WDR45: variants seen among roughly 807,000 people sequenced by gnomAD.
WDR45 encodes WD repeat domain phosphoinositide-interacting protein 4.
In WDR45, 2 loss-of-function variants were observed where a neutral mutation model predicts 27.3. The observed-to-expected ratio is 0.07, with a 90% CI of 0.03 to 0.23. WDR45 has a LOEUF of 0.23. Among genes scored for constraint, WDR45 ranks in the 10% least tolerant of loss-of-function variants. The pLI is 1.00. For missense variants in WDR45, 175 were observed against 311.9 expected (o/e 0.56, Z 3.31); for synonymous variants, 99 against 119.2 (o/e 0.83, Z 1.11).
intron 4 of WDR45, 90 bp from the exon 5 acceptor site, chrX:49,076,840 C>T (rs782674726): frequency 6.7e-5 from 49 of 726,158 alleles, no homozygotes; most frequent in African/African-American, 2.1e-5. Context: ...TTCCCAGGGA[C>T]CTCAACCTAC....
At chrX:49,090,642 A>G (rs1557086478) in intron 2 of WDR45, among the ~76,000 whole-genome samples, 2 of 110,885 alleles carry the variant, frequency 1.8e-5, no homozygotes, top group African/African-American at 6.6e-5. Flanking sequence ...GGTTCAAGCA[A>G]TTCTCCTGCC....
At chrX:49,099,829 G>T (rs782557050) in intron 2 of WDR45, among the ~76,000 whole-genome samples, 2 of 98,427 alleles carry the variant, frequency 2.0e-5, no homozygotes, top group South Asian at 4.2e-4. Context: ...AGTGTTTCTT[G>T]GGACCAGACC....
upstream of WDR45, chrX:49,079,969 C>G (rs1247279916): frequency 8.8e-6 from 1 of 113,404 alleles, no homozygotes; most frequent in African/African-American, 3.2e-5. Context: ...CACCGCCTTC[C>G]TCGCCTAGTT....
chrX:49,075,104 G>C (rs201066140), intron 10 of WDR45, 32 bp downstream of exon 10: 3 of 1,204,758 alleles, frequency 2.5e-6, no homozygotes, highest in East Asian at 5.9e-5. Context: ...GCCCCATGCA[G>C]TACCCCCAAC....
intron 4 of WDR45, chrX:49,077,095 C>T (rs1052547211): frequency 3.6e-5 from 8 of 225,340 alleles, no homozygotes; most frequent in Non-Finnish European, 6.3e-5. Context: ...AGTCCATGCA[C>T]CCTGGAGATT....
At chrX:49,095,408 A>T (rs1389451200) in intron 2 of WDR45, among the ~76,000 whole-genome samples, 1 of 109,067 alleles carries the variant, frequency 9.2e-6, no homozygotes, top group Admixed American at 1.0e-4. Flanking sequence ...TGGGAGGCCA[A>T]GGCGGGCGAG....
At chrX:49,077,582 T>C in intron 4 of WDR45, 61 bp downstream of exon 4, 1 of 1,034,406 alleles carries the variant, frequency 9.7e-7, no homozygotes, top group Non-Finnish European at 1.3e-6. Context: ...TACCTTGGGG[T>C]GCCTGTGGGA....
intron 2 of WDR45, among the ~76,000 whole-genome samples, chrX:49,093,165 T>C (rs1323594616): frequency 2.7e-5 from 3 of 111,731 alleles, no homozygotes; most frequent in Non-Finnish European, 5.6e-5. Context: ...GACCTCGGCC[T>C]CCCAAAGTGC....
intron 2 of WDR45, among the ~76,000 whole-genome samples, chrX:49,090,870 G>A (rs2065102273): frequency 1.0e-5 from 1 of 100,443 alleles, no homozygotes; most frequent in Non-Finnish European, 2.0e-5. Context: ...GTCTCGCTCT[G>A]TCACCCACAC....
chrX:49,076,277 TG>T (rs1185539087), intron 6 of WDR45, 152 bp downstream of exon 6: 36 of 645,367 alleles, frequency 5.6e-5, no homozygotes, highest in Non-Finnish European at 6.9e-5. Context: ...GGCTGAGGGC[TG>T]GAAAGATGGA....
At chrX:49,076,797 G>A in intron 4 of WDR45, 47 bp from the exon 5 acceptor site, 3 of 1,064,175 alleles carry the variant, frequency 2.8e-6, no homozygotes, top group Non-Finnish European at 3.9e-6. Flanking sequence ...TTAGGGTAAG[G>A]GGCAGCCCTG....
chrX:49,094,221 C>G (rs2147828220), intron 2 of WDR45, among the ~76,000 whole-genome samples: 1 of 111,215 alleles, frequency 9.0e-6, no homozygotes, highest in East Asian at 2.8e-4. Flanking sequence ...GTAATCCCAG[C>G]ACTATGGGAG....
chrX:49,080,897 T>A (rs1238904953), upstream of WDR45, among the ~76,000 whole-genome samples: 1 of 97,619 alleles, frequency 1.0e-5, no homozygotes, highest in African/African-American at 3.7e-5. Flanking sequence ...AATTTTTTTT[T>A]TTTTTTTTTT....
Position 49,074,865 on chromosome X carries a change from C to G in WDR45, c.1021G>C (p.Gly341Arg), listed in dbSNP as rs1557083823. 3 of 1,211,750 alleles carry G rather than the reference C, an allele frequency of 2.5e-6. No individual in the cohort carries two copies. Among genetic ancestry groups the G allele is most frequent in the Non-Finnish European group, 3.4e-6 (3 of 895,384 alleles). The change falls in exon 11 of 11, where the codon GGA becomes CGA. Residue 341 changes from glycine to arginine, a missense_variant. This residue lies in a region of WDR45 where 71 missense variants were observed against 123.0 expected (regional missense o/e 0.58). Coordinates refer to ENST00000376372, the MANE Select transcript of WDR45 (RefSeq NM_001029896.2). The part of the protein sequence containing the change: ...TFHKYVFTPD[G>R]NCNREAFDVY... ...TCGAAAGCCTCTCTGTTGCAGTTTC[C>G]ATCAGGAGTGAAGACATATTTGTGG...
intron 4 of WDR45, chrX:49,077,254 C>T (rs2147817051): frequency 4.6e-6 from 1 of 216,805 alleles, no homozygotes; most frequent in East Asian, 1.0e-4. Flanking sequence ...ATTTTAAAAC[C>T]TATTGCTTGT....
intron 2 of WDR45, among the ~76,000 whole-genome samples, chrX:49,090,839 C>CT (rs374589139): frequency 0.035 from 3,590 of 102,487 alleles, 182 homozygotes; most frequent in African/African-American, 0.12. Flanking sequence ...TAATCCAGGC[C>CT]TTTTTTTTTT....
upstream of WDR45, among the ~76,000 whole-genome samples, chrX:49,082,673 AC>A (rs782252498): frequency 3.6e-5 from 4 of 110,172 alleles, no homozygotes; most frequent in South Asian, 1.5e-3. Flanking sequence ...TTCTAGTGAA[AC>A]CCACAATTTC....
upstream of WDR45, chrX:49,081,987 A>AC (rs1344010103): frequency 9.3e-6 from 1 of 107,737 alleles, no homozygotes; most frequent in Non-Finnish European, 1.9e-5. Context: ...TGTCTCCAAA[A>AC]AAAAAAAAAA....
chrX:49,092,119 C>CAAAAAAAAAAAAAAAAAAA, intron 2 of WDR45, among the ~76,000 whole-genome samples: 1 of 35,731 alleles, frequency 2.8e-5, no homozygotes, highest in Non-Finnish European at 4.8e-5. Flanking sequence ...CACTCCATCT[C>CAAAAAAAAAAAAAAAAAAA]AAAAAAAAAA....
Sources: allele counts gnomAD v4.1 joint callset (sites outside exome capture counted in the v4.1 genomes callset), GRCh38; gene constraint gnomAD v4.1.1; regional missense constraint gnomAD v4.1.1; transcripts MANE v1.5; gene names NCBI Gene and HGNC (gene_info 2026-07-23, HGNC 2026-07-21).